C2orf74: variants seen among roughly 807,000 people sequenced by gnomAD.
C2orf74 encodes DPM1 ER membrane anchor 1.
In C2orf74, 14 loss-of-function variants were observed where a neutral mutation model predicts 17.9. That is an observed-to-expected ratio of 0.78 (90% CI 0.52 to 1.22). The LOEUF (loss-of-function observed/expected upper bound fraction) is 1.22, where lower values mean the gene tolerates loss of function less well. Among genes scored for constraint, C2orf74 ranks in the 50% most tolerant of loss-of-function variants. The probability of loss-of-function intolerance (pLI) is 0.00; values close to 1 mark genes in which losing one functional copy is unlikely to be tolerated. For synonymous variants in C2orf74, 79 were observed against 72.6 expected (o/e 1.09, Z -0.44); for missense variants, 217 against 218.4 (o/e 0.99, Z 0.04).
At chr2:61,154,556 A>C (rs951081812) in intron 1 of C2orf74, among the ~76,000 whole-genome samples, 19 of 152,320 alleles carry the variant, frequency 1.2e-4, no homozygotes, top group Admixed American at 5.2e-4. Flanking sequence ...TAAGATATTA[A>C]TAATAGGGGA....
upstream of C2orf74, among the ~76,000 whole-genome samples, chr2:61,160,701 G>A (rs1177306): frequency 0.42 from 63,152 of 151,388 alleles, 13,376 homozygotes; most frequent in Middle Eastern, 0.5. Context: ...TAGAGACCAG[G>A]CTGGTCTTGA....
At chr2:61,164,250 C>A in intron 4 of C2orf74, 104 bp from the exon 5 acceptor site, 2 of 925,492 alleles carry the variant, frequency 2.2e-6, no homozygotes, top group Non-Finnish European at 3.1e-6. Context: ...TTTAGAAATG[C>A]TTTTTCTGTT....
intron 4 of C2orf74, 111 bp from the exon 5 acceptor site, chr2:61,164,243 A>G: frequency 1.2e-6 from 1 of 869,556 alleles, no homozygotes; most frequent in Non-Finnish European, 1.7e-6. Context: ...TATATCATTT[A>G]GAAATGCTTT....
At chr2:61,160,457 G>C (rs1303990001), upstream of C2orf74, among the ~76,000 whole-genome samples, 1 of 150,922 alleles carries the variant, frequency 6.6e-6, no homozygotes, top group Non-Finnish European at 1.5e-5. Context: ...ACTGCGCCCA[G>C]CCCGGAATTT....
At chr2:61,145,414 T>C (rs1306579426) in intron 1 of C2orf74, among the ~76,000 whole-genome samples, 1 of 152,104 alleles carries the variant, frequency 6.6e-6, no homozygotes. Flanking sequence ...CTGCATGTTT[T>C]TGTGTTTTTT....
At chr2:61,158,453 A>G (rs1359888798), upstream of C2orf74, among the ~76,000 whole-genome samples, 6 of 152,164 alleles carry the variant, frequency 3.9e-5, no homozygotes, top group African/African-American at 1.4e-4. Context: ...TGTTTTCTAT[A>G]TCAAGTGAGA....
In C2orf74 at chr2:61,162,827, CTTGT is replaced by C. The variant is rs1437944571; in HGVS notation, c.96-8_96-5del. On this transcript the variant is annotated splice_polypyrimidine_tract_variant and intron_variant, in intron 2 of 4. Transcript: ENST00000432605. ...CATTCTTCCTTTTCTGAATTTGTGG[CTTGT>C]TTGTTTTCAGTTTCCAAGGCAGGAA... The C allele has an allele frequency of 3.9e-6, 6 of 1,545,238 alleles. No individual in the cohort carries two copies. Among genetic ancestry groups the C allele is most frequent in the African/African-American group, 1.4e-5 (1 of 72,894 alleles).
intron 1 of C2orf74, among the ~76,000 whole-genome samples, chr2:61,155,574 G>T (rs746605334): frequency 2.0e-5 from 3 of 152,100 alleles, no homozygotes; most frequent in Non-Finnish European, 4.4e-5. Flanking sequence ...AGGCTGGAGT[G>T]CAGTGGCGCG....
chr2:61,156,416 C>CA (rs201663576), intron 1 of C2orf74, among the ~76,000 whole-genome samples: 7 of 148,466 alleles, frequency 4.7e-5, no homozygotes, highest in Non-Finnish European at 7.5e-5. Context: ...TATTTGGAGC[C>CA]AAAAAAAACA....
chr2:61,159,087 C>T (rs1213209338), upstream of C2orf74, among the ~76,000 whole-genome samples: 1 of 151,620 alleles, frequency 6.6e-6, no homozygotes, highest in Non-Finnish European at 1.5e-5. Context: ...ACCTCCACCT[C>T]CTGGGTTCAA....
intron 1 of C2orf74, among the ~76,000 whole-genome samples, chr2:61,155,881 G>A (rs1685377729): frequency 6.6e-6 from 1 of 151,326 alleles, no homozygotes; most frequent in Non-Finnish European, 1.5e-5. Context: ...TTTCTTAAAG[G>A]TTAAGAGGAG....
chr2:61,146,299 A>G (rs1322328717), intron 1 of C2orf74, among the ~76,000 whole-genome samples: 1 of 152,234 alleles, frequency 6.6e-6, no homozygotes, highest in Admixed American at 6.5e-5. Flanking sequence ...TGTATAAATT[A>G]TGCTTTTTGT....
chr2:61,156,103 G>A (rs1178088213), intron 1 of C2orf74, among the ~76,000 whole-genome samples: 1 of 152,152 alleles, frequency 6.6e-6, no homozygotes, highest in Non-Finnish European at 1.5e-5. Flanking sequence ...GGAGGCCGAG[G>A]TGGGAGGATC....
rs149187170 is a variant in C2orf74 at position 61,155,116 on chromosome 2, T to C, written c.-121-7726T>C. 4.9e-3 allele frequency among the ~76,000 whole-genome samples: 742 copies of C among 152,270 alleles called. 5 individuals carry two copies. The highest frequency in any genetic ancestry group is 0.017 in the African/African-American group (700 of 41,576). On this transcript the variant is annotated intron_variant, in intron 1 of 3. Transcript: ENST00000426997. ...TTTAAAGTGTTTGACTAATCATATTTAAGCAAGTTCCCAATAAAAATAAGT... is the reference window on the plus strand; with the variant it reads ...TTTAAAGTGTTTGACTAATCATATTCAAGCAAGTTCCCAATAAAAATAAGT...
At chr2:61,149,536 T>C (rs1254733320) in intron 1 of C2orf74, among the ~76,000 whole-genome samples, 3 of 151,664 alleles carry the variant, frequency 2.0e-5, no homozygotes, top group Non-Finnish European at 4.4e-5. Flanking sequence ...CTGTGGACTT[T>C]CTGGGCCAAG....
chr2:61,146,425 G>A (rs1372618763), intron 1 of C2orf74, among the ~76,000 whole-genome samples: 1 of 152,026 alleles, frequency 6.6e-6, no homozygotes, highest in Non-Finnish European at 1.5e-5. Context: ...ACTGAGATAG[G>A]GTGAGAGACT....
intron 1 of C2orf74, among the ~76,000 whole-genome samples, chr2:61,148,819 C>T (rs1415224859): frequency 3.3e-5 from 5 of 151,914 alleles, no homozygotes; most frequent in African/African-American, 7.3e-5. Flanking sequence ...CAGGTTTAAG[C>T]GATTCTCCTG....
intron 1 of C2orf74, among the ~76,000 whole-genome samples, chr2:61,147,000 A>T (rs777620734): frequency 1.3e-5 from 2 of 151,848 alleles, no homozygotes; most frequent in Non-Finnish European, 2.9e-5. Context: ...AAAGAACATC[A>T]ACAACAAAAA....
upstream of C2orf74, among the ~76,000 whole-genome samples, chr2:61,158,478 C>T (rs575457575): frequency 2.0e-5 from 3 of 152,244 alleles, no homozygotes; most frequent in South Asian, 2.1e-4. Context: ...AGAAAAAGCA[C>T]GATTGGAAGT....
Sources: gnomAD v4.1 joint callset for allele counts (sites outside exome capture counted in the v4.1 genomes callset) on GRCh38, gnomAD v4.1.1 for gene constraint, MANE v1.5 for transcripts, NCBI Gene and HGNC (gene_info 2026-07-23, HGNC 2026-07-21) for gene names.